METTL8: variants seen among roughly 807,000 people sequenced by gnomAD.
The protein encoded by METTL8 is tRNA N(3)-cytidine methyltransferase METTL8, mitochondrial.
Under a neutral mutation model 48.7 loss-of-function variants are expected in METTL8, and 32 were observed. The observed-to-expected ratio is 0.66, with a 90% confidence interval of 0.50 to 0.88. METTL8 has a LOEUF of 0.88. METTL8 is among the 40% of genes least tolerant of loss of function. The pLI is 0.00. For missense variants in METTL8, 464 were observed against 474.4 expected, an observed-to-expected ratio of 0.98 and a Z score of 0.20; for synonymous variants, 136 against 157.1, an observed-to-expected ratio of 0.87 and a Z score of 1.01.
intron 3 of METTL8, among the ~76,000 whole-genome samples, chr2:171,343,341 A>C (rs925499694): frequency 6.6e-6 from 1 of 152,128 alleles, no homozygotes; most frequent in Non-Finnish European, 1.5e-5. Flanking sequence ...CAGGAGGCTG[A>C]GGCAGGAGAA....
At chr2:171,329,417 C>T (rs114093044) in intron 7 of METTL8, among the ~76,000 whole-genome samples, 2,678 of 152,312 alleles carry the variant, frequency 0.018, 36 homozygotes, top group Non-Finnish European at 0.027. Flanking sequence ...AATGGGGAAT[C>T]TTGTTCTCTA....
At chr2:171,338,087 A>G (rs573120923) in intron 4 of METTL8, among the ~76,000 whole-genome samples, 1 of 152,350 alleles carries the variant, frequency 6.6e-6, no homozygotes, top group African/African-American at 2.4e-5. Flanking sequence ...ATTATGAACT[A>G]GAAAATCTAA....
chr2:171,360,353 C>A, intron 3 of METTL8, 69 bp downstream of exon 3: 1 of 1,304,538 alleles, frequency 7.7e-7, no homozygotes, highest in Non-Finnish European at 1.1e-6. Flanking sequence ...CTCTCAGAAG[C>A]AATGACACGA....
chr2:171,351,764 T>A (rs1410339361), intron 3 of METTL8, among the ~76,000 whole-genome samples: 1 of 152,222 alleles, frequency 6.6e-6, no homozygotes, highest in Non-Finnish European at 1.5e-5. Flanking sequence ...GCTCTCTGTT[T>A]GTCTGTTATT....
chr2:171,325,656 A>T (rs967195348), intron 9 of METTL8, among the ~76,000 whole-genome samples, 185 bp downstream of exon 9: 1 of 152,194 alleles, frequency 6.6e-6, no homozygotes, highest in Admixed American at 6.5e-5. Context: ...CTGGAAAAAG[A>T]TTAAACAGTA....
chr2:171,429,701 T>A (rs1477691082), intron 1 of METTL8, among the ~76,000 whole-genome samples: 1 of 152,162 alleles, frequency 6.6e-6, no homozygotes, highest in Non-Finnish European at 1.5e-5. Context: ...CTAAAAAGGT[T>A]TTAAGTTAAC....
rs184545312 is a variant in METTL8 at position 171,330,546 on chromosome 2, C to T, written c.860+13G>A. The T allele has an allele frequency of 3.5e-4, 563 of 1,610,364 alleles. 3 individuals are homozygous for T. The African/African-American group carries it at 6.4e-3, about 18-fold the overall frequency. ...GCTTTACACATCCACTTTGCCCTTT[C>T]GTCTTCATTTACCTGTCAGGATGAA... On this transcript the variant is annotated intron_variant, in intron 7 of 9. Transcript: ENST00000375258.
chr2:171,353,603 C>T (rs562330727), intron 3 of METTL8, among the ~76,000 whole-genome samples: 3 of 151,266 alleles, frequency 2.0e-5, no homozygotes, highest in African/African-American at 7.2e-5. Context: ...GTGGGAGTCT[C>T]TTTGTAGGTC....
chr2:171,360,370 G>A (rs909485857), intron 3 of METTL8, 52 bp downstream of exon 3: 1 of 1,500,312 alleles, frequency 6.7e-7, no homozygotes, highest in Non-Finnish European at 9.2e-7. Context: ...ACGAGGAGGA[G>A]GAAAAGTCAC....
At chr2:171,331,920 CT>C (rs1430807204) in intron 5 of METTL8, 53 bp from the exon 6 acceptor site, 87 of 1,365,250 alleles carry the variant, frequency 6.4e-5, no homozygotes, top group Non-Finnish European at 8.7e-5. Context: ...GGGTCTTGCG[CT>C]GTTGCCCAGG....
intron 2 of METTL8, among the ~76,000 whole-genome samples, chr2:171,364,605 T>G (rs1188361137): frequency 6.6e-6 from 1 of 152,240 alleles, no homozygotes; most frequent in African/African-American, 2.4e-5. Flanking sequence ...AATGTTTCCT[T>G]GATTTAGCTT....
rs1418828614 is a variant in METTL8 at position 171,385,140 on chromosome 2, T to A, written c.143+6903A>T. Among the ~76,000 whole-genome samples the A allele has an allele frequency of 3.3e-5, 5 of 152,086 alleles. No homozygotes were observed. In the South Asian group the frequency reaches 1.0e-3, roughly 32 times the overall value. Reference sequence around the variant, plus strand: ...TAAAAAATCAAATTCAGGCTAGGTGTGGTGGCTCATGCCTGTAATCCCAGC... The same window carrying A: ...TAAAAAATCAAATTCAGGCTAGGTGAGGTGGCTCATGCCTGTAATCCCAGC... On this transcript the variant is annotated intron_variant, in intron 2 of 9. Transcript: ENST00000375258.
chr2:171,364,337 C>CT (rs1188164698), intron 2 of METTL8, among the ~76,000 whole-genome samples: 3 of 152,006 alleles, frequency 2.0e-5, no homozygotes, highest in Admixed American at 1.3e-4. Flanking sequence ...GTCTTTAAAA[C>CT]TTTACCCTTC....
chr2:171,362,204 G>A (rs547280029), intron 2 of METTL8, among the ~76,000 whole-genome samples: 3 of 152,148 alleles, frequency 2.0e-5, no homozygotes, highest in African/African-American at 4.8e-5. Context: ...GAGGAAAAGC[G>A]ACCAATTAGA....
intron 3 of METTL8, among the ~76,000 whole-genome samples, chr2:171,348,027 C>A (rs760117511): frequency 4.6e-5 from 7 of 152,170 alleles, no homozygotes; most frequent in Non-Finnish European, 7.3e-5. Context: ...GTAGGCACTG[C>A]CCTCTTCACT....
chr2:171,346,950 A>G (rs572968460), intron 3 of METTL8, among the ~76,000 whole-genome samples: 1 of 152,292 alleles, frequency 6.6e-6, no homozygotes, highest in African/African-American at 2.4e-5. Context: ...GTTCCTCAGA[A>G]CAAAAGTATT....
chr2:171,389,408 T>C (rs1005776291), intron 2 of METTL8, among the ~76,000 whole-genome samples: 1 of 149,080 alleles, frequency 6.7e-6, no homozygotes, highest in Non-Finnish European at 1.5e-5. Flanking sequence ...TAGTCCCAGC[T>C]ACTTGGGAGG....
intron 3 of METTL8, among the ~76,000 whole-genome samples, chr2:171,348,046 G>C (rs1400940776): frequency 3.3e-5 from 5 of 152,158 alleles, no homozygotes; most frequent in Non-Finnish European, 5.9e-5. Context: ...CTAGGTAAGG[G>C]CAGCTAATGA....
intron 2 of METTL8, among the ~76,000 whole-genome samples, chr2:171,386,129 T>C (rs1271474573): frequency 6.6e-6 from 1 of 152,004 alleles, no homozygotes; most frequent in Non-Finnish European, 1.5e-5. Context: ...AGAACTTAAA[T>C]CAGTAGGCAA....
Sources: allele counts gnomAD v4.1 joint callset (sites outside exome capture counted in the v4.1 genomes callset), GRCh38; gene constraint gnomAD v4.1.1; transcripts MANE v1.5; gene names NCBI Gene and HGNC (gene_info 2026-07-23, HGNC 2026-07-21).